The following NFIC variants were observed in gnomAD, a reference collection of about 807,000 sequenced individuals.
NFIC encodes the protein nuclear factor 1 C-type.
A neutral mutation model predicts 54.4 loss-of-function variants in NFIC; 12 were observed. That is an observed-to-expected ratio of 0.22 (90% confidence interval 0.14 to 0.36). The LOEUF (loss-of-function observed/expected upper bound fraction) is 0.36, where lower values mean the gene tolerates loss of function less well. NFIC is among the 10% of genes least tolerant of loss of function. The pLI is 1.00. For synonymous variants in NFIC, 322 were observed against 319.2 expected, an observed-to-expected ratio of 1.01 and a Z score of -0.09; for missense variants, 575 against 718.2, an observed-to-expected ratio of 0.80 and a Z score of 2.28.
intron 2 of NFIC, among the ~76,000 whole-genome samples, chr19:3,423,420 C>G (rs1200898417): frequency 6.6e-6 from 1 of 152,072 alleles, no homozygotes; most frequent in Non-Finnish European, 1.5e-5. Context: ...CGCGTCCTGG[C>G]CTTGGGGTCT....
chr19:3,450,208 G>A (rs1178527117), intron 7 of NFIC, among the ~76,000 whole-genome samples: 4 of 151,942 alleles, frequency 2.6e-5, no homozygotes, highest in Non-Finnish European at 5.9e-5. Flanking sequence ...ATCCGGGCGT[G>A]GTGGCAGGCG....
chr19:3,455,406 C>T (rs2082536381), intron 9 of NFIC, among the ~76,000 whole-genome samples: 1 of 150,220 alleles, frequency 6.7e-6, no homozygotes, highest in Non-Finnish European at 1.5e-5. Flanking sequence ...ATGCCCAGTG[C>T]CTGGCATACA....
chr19:3,398,202 AGG>A (rs1197439124), intron 2 of NFIC, among the ~76,000 whole-genome samples: 1 of 152,140 alleles, frequency 6.6e-6, no homozygotes, highest in Non-Finnish European at 1.5e-5. Context: ...ATGCAGAATG[AGG>A]CGATGGCTGT....
At chr19:3,462,201 G>A (rs1239798756) in intron 10 of NFIC, among the ~76,000 whole-genome samples, 2 of 151,746 alleles carry the variant, frequency 1.3e-5, no homozygotes, top group Non-Finnish European at 2.9e-5. Context: ...GGCCAACATG[G>A]TGAAACCCCA....
At chr19:3,389,405 G>T (rs140431912) in intron 2 of NFIC, among the ~76,000 whole-genome samples, 2 of 152,132 alleles carry the variant, frequency 1.3e-5, no homozygotes, top group Non-Finnish European at 2.9e-5. Context: ...GGAGCAAGGC[G>T]GGTCTTCACT....
intron 10 of NFIC, among the ~76,000 whole-genome samples, chr19:3,461,352 G>A (rs1362853199): frequency 1.3e-5 from 2 of 151,992 alleles, no homozygotes; most frequent in African/African-American, 4.8e-5. Context: ...GAGCCCAGGA[G>A]ATGGAGGCTG....
At position 3,456,553 on chromosome 19, in the gene NFIC, A is replaced by G; in HGVS notation, c.1427A>G (p.Tyr476Cys). The change falls in exon 10 of 11, where the codon TAC (tyrosine) becomes TGC (cysteine). Residue 476 changes from tyrosine (Y) to cysteine (C), a missense_variant. Around this residue, in one of 3 missense-constraint regions of NFIC, gnomAD observed 447 missense variants for 526.9 expected, o/e 0.85. Transcript: ENST00000443272. ...TCGGTCTCTCTCCTCCCTGCAGCCT[A>G]CTCTCCGCCCGACACGTCCCCTGCA... ...GGATSPTSPS[Y>C]SPPDTSPANR... 1 of 1,550,836 alleles carries G rather than the reference A, an allele frequency of 6.4e-7. No homozygotes were observed. The highest frequency in any genetic ancestry group is 1.2e-5 in the South Asian group (1 of 84,050).
intron 6 of NFIC, among the ~76,000 whole-genome samples, chr19:3,444,592 C>T (rs1042736752): frequency 1.3e-5 from 2 of 152,232 alleles, no homozygotes; most frequent in Non-Finnish European, 2.9e-5. Context: ...TGCGCTCCCC[C>T]CTCCTTCCTG....
At chr19:3,422,616 C>G (rs2081970036) in intron 2 of NFIC, among the ~76,000 whole-genome samples, 1 of 151,550 alleles carries the variant, frequency 6.6e-6, no homozygotes, top group Admixed American at 6.6e-5. Context: ...ACTCAGGAGA[C>G]TGAGGCAGGA....
At chr19:3,433,846 T>C in intron 4 of NFIC, among the ~76,000 whole-genome samples, 1 of 151,950 alleles carries the variant, frequency 6.6e-6, no homozygotes, top group East Asian at 1.9e-4. Context: ...GCATCCCTCC[T>C]CCTCCCTGGG....
Position 3,366,686 on chromosome 19 carries a change from C to A in NFIC, c.30+20C>A. 1 of 1,391,330 alleles carries A rather than the reference C, an allele frequency of 7.2e-7. No homozygotes were observed. The highest frequency in any genetic ancestry group is 9.4e-7 in the Non-Finnish European group (1 of 1,068,032). 86.2% of individuals were successfully genotyped at this position (1,391,330 alleles called of 1,614,324 possible). On this transcript the variant is annotated intron_variant, in intron 1 of 10. Transcript: ENST00000443272. ...ACCCAGGTACGGTCCTCGCCCGGCC[C>A]CCCGCCGGCGCCCCCGCGCCCCCCG...
At chr19:3,413,719 A>G (rs1001549503) in intron 2 of NFIC, among the ~76,000 whole-genome samples, 1 of 152,042 alleles carries the variant, frequency 6.6e-6, no homozygotes, top group Non-Finnish European at 1.5e-5. Context: ...GGCTCACTGC[A>G]GCCATCCCCC....
intron 9 of NFIC, among the ~76,000 whole-genome samples, chr19:3,454,884 T>C (rs1335212507): frequency 6.6e-6 from 1 of 152,100 alleles, no homozygotes; most frequent in Non-Finnish European, 1.5e-5. Context: ...CCAGGCTGCC[T>C]GCCCATAAAA....
chr19:3,403,964 T>C (rs976955625), intron 2 of NFIC, among the ~76,000 whole-genome samples: 7 of 152,160 alleles, frequency 4.6e-5, no homozygotes, highest in Admixed American at 3.3e-4. Context: ...CGCCCGTGTG[T>C]GCGCTCAGCC....
At chr19:3,438,429 CTT>C (rs59788026) in intron 6 of NFIC, among the ~76,000 whole-genome samples, 33,433 of 123,508 alleles carry the variant, frequency 0.27, 3,200 homozygotes, top group East Asian at 0.63. Context: ...CTGAGGGTTT[CTT>C]TTTTTTTTTT....
In NFIC at chr19:3,375,879, A is replaced by G. The variant is rs535703406; in HGVS notation, c.31-5833A>G. Among the ~76,000 whole-genome samples, 1 of 152,316 alleles carries G rather than the reference A, an allele frequency of 6.6e-6. No individual in the cohort carries two copies. The highest frequency in any genetic ancestry group is 2.4e-5 in the African/African-American group (1 of 41,570). On this transcript the variant is annotated intron_variant, in intron 1 of 10. Transcript: ENST00000443272. The surrounding 1 kb of genome is among the most constrained non-coding windows in gnomAD (Gnocchi z 4.6). Reference sequence around the variant, plus strand: ...CGAGTCCAGCCACATCCGCTGGCACACACAGTGGGAGTCCAGGGTCAACGT... The same window carrying G: ...CGAGTCCAGCCACATCCGCTGGCACGCACAGTGGGAGTCCAGGGTCAACGT...
Position 3,419,711 on chromosome 19 carries a change from A to G in NFIC, c.563-5395A>G, listed in dbSNP as rs951865339. ...CTACTTAGGAGGCTCAGGCAGGAGAATCACTTGAACCCGGGAGGCAGAGGC... is the reference window on the plus strand; with the variant it reads ...CTACTTAGGAGGCTCAGGCAGGAGAGTCACTTGAACCCGGGAGGCAGAGGC... On this transcript the variant is annotated intron_variant, in intron 2 of 10. Coordinates refer to ENST00000443272, the MANE Select transcript of NFIC (RefSeq NM_001245002.2). 2.0e-5 allele frequency among the ~76,000 whole-genome samples: 3 copies of G among 151,850 alleles called. No homozygotes were observed. The East Asian group carries it at 5.8e-4, about 29-fold the overall frequency.
rs775145685 is a variant in NFIC at position 3,434,376 on chromosome 19, C to A, written c.809C>A (p.Thr270Lys). Residue 270 changes from threonine (T) to lysine (K), a missense_variant, in exon 5 of 11, where the codon ACG (threonine) becomes AAG (lysine). By Grantham distance (78) the Thr-to-Lys change is moderately conservative (BLOSUM62 -1). Around this residue, in one of 3 missense-constraint regions of NFIC, gnomAD observed 447 missense variants for 526.9 expected, o/e 0.85. Transcript: ENST00000443272. The part of the protein sequence containing the change: ...LNPASTGLRR[T>K]LPSTSSSGSK... ...CCAGCCAGCACTGGCCTCAGAAGAA[C>A]GCTGCCCAGCACCTCCTCCAGTGGG... The A allele has an allele frequency of 1.2e-6, 2 of 1,611,230 alleles. No individual in the cohort carries two copies. Among genetic ancestry groups the A allele is most frequent in the East Asian group, 2.2e-5 (1 of 44,830 alleles).
chr19:3,400,445 C>T (rs1211039143), intron 2 of NFIC, among the ~76,000 whole-genome samples: 1 of 152,088 alleles, frequency 6.6e-6, no homozygotes, highest in Non-Finnish European at 1.5e-5. Context: ...CCACTGCACT[C>T]CAGCCTGGGT....
Sources: allele counts gnomAD v4.1 joint callset (sites outside exome capture counted in the v4.1 genomes callset), GRCh38; gene constraint gnomAD v4.1.1; regional missense constraint gnomAD v4.1.1; non-coding constraint Gnocchi (gnomAD v3.1); transcripts MANE v1.5; gene names NCBI Gene and HGNC (gene_info 2026-07-23, HGNC 2026-07-21).